LIMCH1: variants seen among roughly 807,000 people sequenced by gnomAD.
The protein encoded by LIMCH1 is LIM and calponin homology domains 1, also known as LIM and calponin homology domains-containing protein 1.
A neutral mutation model predicts 176.5 loss-of-function variants in LIMCH1; 113 were observed. That is an observed-to-expected ratio of 0.64 (90% CI 0.55 to 0.75). The LOEUF is 0.75. LIMCH1 is among the 30% of genes least tolerant of loss of function. The pLI is 0.00. For synonymous variants in LIMCH1, 619 were observed against 645.9 expected, an observed-to-expected ratio of 0.96 and a Z score of 0.63; for missense variants, 1,674 against 1,814.9, an observed-to-expected ratio of 0.92 and a Z score of 1.41.
intron 5 of LIMCH1, among the ~76,000 whole-genome samples, 171 bp downstream of exon 5, chr4:41,613,832 A>G (rs150265609): frequency 6.6e-6 from 1 of 152,218 alleles, no homozygotes; most frequent in Non-Finnish European, 1.5e-5. Context: ...GTTGTTTTTC[A>G]TGGTCCTTAG....
chr4:41,461,937 G>T (rs1020866307), intron 1 of LIMCH1, among the ~76,000 whole-genome samples: 2 of 152,212 alleles, frequency 1.3e-5, no homozygotes, highest in African/African-American at 4.8e-5. Context: ...ATGATTGATT[G>T]TTCTGCAGGA....
chr4:41,589,119 G>T (rs990643593), intron 1 of LIMCH1, among the ~76,000 whole-genome samples: 1 of 152,220 alleles, frequency 6.6e-6, no homozygotes, highest in Admixed American at 6.5e-5. Flanking sequence ...CAAGGGGAGA[G>T]AGAAATGGAC....
chr4:41,474,722 G>A (rs193125445), intron 1 of LIMCH1, among the ~76,000 whole-genome samples: 105 of 152,298 alleles, frequency 6.9e-4, no homozygotes, highest in African/African-American at 2.5e-3. Context: ...TACACTGTTG[G>A]TGGTATTGTA....
At chr4:41,546,017 C>G (rs1376191869) in intron 1 of LIMCH1, among the ~76,000 whole-genome samples, 1 of 152,012 alleles carries the variant, frequency 6.6e-6, no homozygotes, top group Non-Finnish European at 1.5e-5. Context: ...TCAAGATTTC[C>G]CAGGCTCTGT....
At chr4:41,572,112 GAGAAAA>G (rs2083651024) in intron 1 of LIMCH1, among the ~76,000 whole-genome samples, 1 of 152,186 alleles carries the variant, frequency 6.6e-6, no homozygotes, top group Admixed American at 6.5e-5. Flanking sequence ...CACTGAGTAT[GAGAAAA>G]AGAAACGTTA....
chr4:41,403,323 G>C (rs1012022843), intron 1 of LIMCH1, among the ~76,000 whole-genome samples: 25 of 152,128 alleles, frequency 1.6e-4, no homozygotes, highest in Admixed American at 1.5e-3. Flanking sequence ...GTTCACAACT[G>C]TAATCCCAGC....
chr4:41,671,537 C>G lies in LIMCH1; in HGVS notation c.3398-17C>G. 6.3e-7 allele frequency: 1 copy of G among 1,594,252 alleles called. No homozygotes were observed. The highest frequency in any genetic ancestry group is 8.6e-7 in the Non-Finnish European group (1 of 1,164,980). On this transcript the variant is annotated splice_polypyrimidine_tract_variant and intron_variant, in intron 21 of 31. Transcript: ENST00000503057. The stretch of plus-strand genomic sequence containing the variant: ...TCACATTCATATCTTTTTTTTCTTT[C>G]TTTTTTTTCTGTGCAGTGGATTCTC...
At chr4:41,448,960 T>C (rs1312182200) in intron 1 of LIMCH1, among the ~76,000 whole-genome samples, 1 of 152,168 alleles carries the variant, frequency 6.6e-6, no homozygotes, top group African/African-American at 2.4e-5. Context: ...GTAAATGATG[T>C]ATGCCACTGT....
Position 41,644,599 on chromosome 4 carries a change from G to A in LIMCH1, c.2226G>A (p.Leu742=). 1 of 1,612,506 alleles carries A rather than the reference G, an allele frequency of 6.2e-7. No individual in the cohort carries two copies. Among genetic ancestry groups the A allele is most frequent in the Non-Finnish European group, 8.5e-7 (1 of 1,179,360 alleles). ...QEQLQLINNQ[L]REEDDKWQDD... is the part of the protein sequence containing the mutation. ...AGCTGCAGCTGATAAATAACCAGCT[G>A]AGGGAAGAGGACGACAAATGGCAAG... Residue 742 remains leucine, a synonymous_variant, in exon 15 of 32, where the codon CTG becomes CTA. Coordinates refer to ENST00000503057, the MANE Select transcript of LIMCH1 (RefSeq NM_001330672.2).
At chr4:41,400,703 C>T (rs944823076) in intron 1 of LIMCH1, among the ~76,000 whole-genome samples, 2 of 151,822 alleles carry the variant, frequency 1.3e-5, no homozygotes, top group Admixed American at 6.6e-5. Context: ...AAATAGATAT[C>T]GATATAAAAC....
At chr4:41,597,561 A>G (rs954715924) in intron 1 of LIMCH1, among the ~76,000 whole-genome samples, 1 of 152,184 alleles carries the variant, frequency 6.6e-6, no homozygotes, top group African/African-American at 2.4e-5. Flanking sequence ...AGGGTCCTGC[A>G]GGACTGAAAC....
chr4:41,573,713 T>A (rs2083949045), intron 1 of LIMCH1, among the ~76,000 whole-genome samples: 1 of 152,144 alleles, frequency 6.6e-6, no homozygotes, highest in East Asian at 1.9e-4. Context: ...CTTTTTTTCC[T>A]GATCATTTTT....
intron 3 of LIMCH1, among the ~76,000 whole-genome samples, chr4:41,525,885 G>GTCCAGA (rs1455906711): frequency 6.6e-6 from 1 of 152,042 alleles, no homozygotes; most frequent in African/African-American, 2.4e-5. Flanking sequence ...GGAGCTCTGG[G>GTCCAGA]GTTTAATGTT....
chr4:41,487,727 C>G (rs1364671071), intron 1 of LIMCH1, among the ~76,000 whole-genome samples: 1 of 133,708 alleles, frequency 7.5e-6, no homozygotes, highest in Non-Finnish European at 1.5e-5. Context: ...GGTGTGATCT[C>G]GGCTCACTGC....
intron 1 of LIMCH1, chr4:41,551,396 G>A (rs1261577767): frequency 6.6e-6 from 1 of 152,136 alleles, no homozygotes; most frequent in African/African-American, 2.4e-5. Context: ...AATAACACTG[G>A]TAAGACTTGC....
chr4:41,365,874 C>T (rs2052891450), intron 1 of LIMCH1, among the ~76,000 whole-genome samples: 1 of 152,226 alleles, frequency 6.6e-6, no homozygotes, highest in Non-Finnish European at 1.5e-5. Flanking sequence ...TCCCTGGAAA[C>T]CAGTTGCATC....
rs538982077 is a variant in LIMCH1 at position 41,586,132 on chromosome 4, A to G, written c.-240-12788A>G. Among the ~76,000 whole-genome samples the G allele has an allele frequency of 9.2e-5, 12 of 131,102 alleles. No homozygotes were observed. In the South Asian group the frequency reaches 3.0e-3, roughly 33 times the overall value. The allele number at this position is 131,102 out of a possible 152,430, so 86.0% of individuals were successfully genotyped here. On this transcript the variant is annotated intron_variant, in intron 1 of 31. Coordinates refer to ENST00000503057, the MANE Select transcript of LIMCH1 (RefSeq NM_001330672.2). ...TCCTCTCCCCTTCCCTTTTTGAAAC[A>G]GGGTCTCACTCTGTCACCTAGGCTG...
intron 15 of LIMCH1, among the ~76,000 whole-genome samples, chr4:41,644,879 GA>G: frequency 6.6e-6 from 1 of 152,302 alleles, no homozygotes; most frequent in African/African-American, 2.4e-5. Flanking sequence ...GGGGAGGCAG[GA>G]AACTGGGATG....
At chr4:41,589,051 TG>T (rs1164712787) in intron 1 of LIMCH1, among the ~76,000 whole-genome samples, 2 of 151,856 alleles carry the variant, frequency 1.3e-5, no homozygotes, top group Admixed American at 6.6e-5. Context: ...GACAAAGAGG[TG>T]GGGATGCTGA....
Sources: allele counts gnomAD v4.1 joint callset (sites outside exome capture counted in the v4.1 genomes callset), GRCh38; gene constraint gnomAD v4.1.1; transcripts MANE v1.5; gene names NCBI Gene and HGNC (gene_info 2026-07-23, HGNC 2026-07-21).